LMBR1: variants seen among roughly 807,000 people sequenced by gnomAD.
The protein encoded by LMBR1 is limb region 1 protein homolog.
In LMBR1, 52 loss-of-function variants were observed where a neutral mutation model predicts 73.9. That is an observed-to-expected ratio of 0.70 (90% CI 0.56 to 0.89). LMBR1 has a LOEUF of 0.89. Among genes scored for constraint, LMBR1 ranks in the 40% least tolerant of loss-of-function variants. LMBR1 has a pLI of 0.00. For synonymous variants in LMBR1, 215 were observed against 209.4 expected (o/e 1.03, Z -0.23); for missense variants, 539 against 579.8 (o/e 0.93, Z 0.72).
At chr7:156,864,178 A>T (rs746916672) in intron 1 of LMBR1, among the ~76,000 whole-genome samples, 2 of 152,150 alleles carry the variant, frequency 1.3e-5, no homozygotes, top group Non-Finnish European at 2.9e-5. Flanking sequence ...ATAAAAAATA[A>T]AAATAGCTAG....
At chr7:156,802,585 A>G (rs1302734094) in intron 4 of LMBR1, among the ~76,000 whole-genome samples, 3 of 152,246 alleles carry the variant, frequency 2.0e-5, no homozygotes, top group Admixed American at 6.5e-5. Context: ...ATATACAAAT[A>G]TAAGAAATAT....
Position 156,724,179 on chromosome 7 carries a change from C to G in LMBR1, c.1159-1G>C. Reference sequence around the variant, plus strand: ...AGATGGACACACAATTTCCAATGATCTGTTATGAGAAACGAGAAAGAATAT... The same window carrying G: ...AGATGGACACACAATTTCCAATGATGTGTTATGAGAAACGAGAAAGAATAT... On this transcript the variant is annotated splice_acceptor_variant, in intron 14 of 16. Transcript: ENST00000353442. LOFTEE classifies it high-confidence loss of function. 6.2e-7 allele frequency: 1 copy of G among 1,609,562 alleles called. No homozygotes were observed. The highest frequency in any genetic ancestry group is 8.5e-7 in the Non-Finnish European group (1 of 1,177,298).
Position 156,688,097 on chromosome 7 carries a change from A to G in LMBR1, c.1320T>C (p.Ile440=). 6.2e-7 allele frequency: 1 copy of G among 1,613,556 alleles called. No individual in the cohort carries two copies. Among genetic ancestry groups the G allele is most frequent in the Non-Finnish European group, 8.5e-7 (1 of 1,179,848 alleles). ...TTCGGACCAGACACAATGTTGTCACAATAGCAAAAAGCAAATTGTAGGATA... is the reference window on the plus strand; with the variant it reads ...TTCGGACCAGACACAATGTTGTCACGATAGCAAAAAGCAAATTGTAGGATA... The part of the protein sequence containing the change: ...IVLSYNLLFA[I]VTTLCLVRKF... The change falls in exon 16 of 17, where the codon ATT becomes ATC. Residue 440 remains isoleucine (I), a synonymous_variant. Transcript: ENST00000353442.
chr7:156,795,993 C>T (rs1346077927), intron 5 of LMBR1, among the ~76,000 whole-genome samples: 1 of 152,130 alleles, frequency 6.6e-6, no homozygotes, highest in Non-Finnish European at 1.5e-5. Context: ...AATGTGAAAT[C>T]AGCTGTCAGT....
intron 16 of LMBR1, among the ~76,000 whole-genome samples, chr7:156,684,949 C>G (rs1179295402): frequency 6.6e-6 from 1 of 152,034 alleles, no homozygotes; most frequent in Non-Finnish European, 1.5e-5. Flanking sequence ...AGAGGAGACC[C>G]TGTCTCAAAA....
chr7:156,738,557 A>C (rs1466473958), intron 9 of LMBR1, among the ~76,000 whole-genome samples: 2 of 152,192 alleles, frequency 1.3e-5, no homozygotes, highest in African/African-American at 2.4e-5. Flanking sequence ...CACAGCAAGG[A>C]AAGTGACTCC....
At chr7:156,676,198 T>C, downstream of LMBR1, 1 of 1,419,842 alleles carries the variant, frequency 7.0e-7, no homozygotes, top group South Asian at 1.3e-5. Flanking sequence ...ACAGGTGGGT[T>C]ACTAACCCTT....
chr7:156,837,691 A>C (rs564421027), intron 1 of LMBR1, among the ~76,000 whole-genome samples: 86 of 152,280 alleles, frequency 5.6e-4, no homozygotes, highest in African/African-American at 2.0e-3. Flanking sequence ...TAGGTGGGAA[A>C]TAATTATTCA....
At chr7:156,780,524 A>G (rs894820019) in intron 5 of LMBR1, among the ~76,000 whole-genome samples, 1 of 152,220 alleles carries the variant, frequency 6.6e-6, no homozygotes, top group Non-Finnish European at 1.5e-5. Context: ...GGAAAAAAAT[A>G]TTTCTTAGTA....
At chr7:156,828,631 T>C (rs1396260871) in intron 3 of LMBR1, among the ~76,000 whole-genome samples, 2 of 152,204 alleles carry the variant, frequency 1.3e-5, no homozygotes, top group African/African-American at 2.4e-5. Context: ...ACAGATCATA[T>C]TGTAAAGTGT....
At chr7:156,728,753 T>G in intron 10 of LMBR1, 33 bp from the exon 11 acceptor site, 1 of 1,426,768 alleles carries the variant, frequency 7.0e-7, no homozygotes, top group South Asian at 1.2e-5. Context: ...AAAACAAAGT[T>G]TTCTCCAAAT....
At chr7:156,729,107 A>G (rs1816343698) in intron 10 of LMBR1, among the ~76,000 whole-genome samples, 1 of 152,124 alleles carries the variant, frequency 6.6e-6, no homozygotes, top group African/African-American at 2.4e-5. Flanking sequence ...GCTTCCTAAC[A>G]TGGTGAGATT....
intron 9 of LMBR1, among the ~76,000 whole-genome samples, chr7:156,739,821 A>C (rs1436576770): frequency 6.6e-6 from 1 of 151,996 alleles, no homozygotes; most frequent in Non-Finnish European, 1.5e-5. Context: ...TAAATACTTA[A>C]CTCTTCAATG....
At chr7:156,797,412 C>T (rs1830232066) in intron 4 of LMBR1, among the ~76,000 whole-genome samples, 1 of 152,132 alleles carries the variant, frequency 6.6e-6, no homozygotes, top group African/African-American at 2.4e-5. Flanking sequence ...ATAAAATTTA[C>T]GTCAAGGATA....
At chr7:156,738,560 G>A (rs1818323365) in intron 9 of LMBR1, among the ~76,000 whole-genome samples, 1 of 152,226 alleles carries the variant, frequency 6.6e-6, no homozygotes, top group South Asian at 2.1e-4. Flanking sequence ...AGCAAGGAAA[G>A]TGACTCCTTC....
intron 15 of LMBR1, among the ~76,000 whole-genome samples, chr7:156,699,284 G>A: frequency 6.6e-6 from 1 of 152,242 alleles, no homozygotes; most frequent in Admixed American, 6.5e-5. Flanking sequence ...TGACAAACCT[G>A]ACAAAAACAA....
intron 1 of LMBR1, among the ~76,000 whole-genome samples, chr7:156,870,864 A>G (rs1799183759): frequency 6.6e-6 from 1 of 152,108 alleles, no homozygotes; most frequent in Admixed American, 6.5e-5. Context: ...ATAAATGCTG[A>G]CATTAAAAAC....
intron 1 of LMBR1, among the ~76,000 whole-genome samples, chr7:156,886,479 C>T (rs1343837687): frequency 6.6e-6 from 1 of 152,206 alleles, no homozygotes; most frequent in African/African-American, 2.4e-5. Flanking sequence ...GATGGCGAAG[C>T]AGGGACATGA....
At chr7:156,700,222 A>G (rs949538959) in intron 15 of LMBR1, among the ~76,000 whole-genome samples, 2 of 152,226 alleles carry the variant, frequency 1.3e-5, no homozygotes, top group African/African-American at 4.8e-5. Flanking sequence ...CATAAAAATG[A>G]TGAGTTCATG....
Sources: allele counts gnomAD v4.1 joint callset (sites outside exome capture counted in the v4.1 genomes callset), GRCh38; gene constraint gnomAD v4.1.1; transcripts MANE v1.5; gene names NCBI Gene and HGNC (gene_info 2026-07-23, HGNC 2026-07-21).